The following GRIK2 variants were observed in gnomAD, a reference collection of about 807,000 sequenced individuals.
The protein encoded by GRIK2 is glutamate receptor ionotropic, kainate 2.
A neutral mutation model predicts 100.3 loss-of-function variants in GRIK2; 32 were observed. That is an observed-to-expected ratio of 0.32 (90% CI 0.24 to 0.43). The LOEUF is 0.43. Ranked by LOEUF, GRIK2 falls within the 20% of genes least tolerant of loss-of-function variation. The probability of loss-of-function intolerance (pLI) is 1.00; values close to 1 mark genes in which losing one functional copy is unlikely to be tolerated. For synonymous variants in GRIK2, 417 were observed against 389.4 expected (o/e 1.07, Z -0.83); for missense variants, 843 against 1,114.9 (o/e 0.76, Z 3.47).
chr6:101,917,108 T>C (rs1157898192), intron 12 of GRIK2, among the ~76,000 whole-genome samples: 1 of 151,668 alleles, frequency 6.6e-6, no homozygotes, highest in Non-Finnish European at 1.5e-5. Context: ...CTGCCAAGTA[T>C]GATAGTTGTT....
In GRIK2 at chr6:101,474,772, T is replaced by A. The variant is rs569021425; in HGVS notation, c.115+75380T>A. 9.7e-4 allele frequency among the ~76,000 whole-genome samples: 147 copies of A among 151,978 alleles called. 2 individuals carry two copies. The Middle Eastern group carries it at 0.014, about 14-fold the overall frequency. ...TTTGTTAGCTACGCAAGTCATAGCG[T>A]ACAAATTAGATATTAGATATCTTTT... On this transcript the variant is annotated intron_variant, in intron 2 of 16. Transcript: ENST00000369134.
chr6:101,976,878 T>C (rs913240956), intron 14 of GRIK2, among the ~76,000 whole-genome samples: 1 of 151,274 alleles, frequency 6.6e-6, no homozygotes, highest in Non-Finnish European at 1.5e-5. Flanking sequence ...AGTTGTGCAG[T>C]AGAATGACTT....
In GRIK2 at chr6:101,820,302, T is replaced by G. The variant is rs541493997; in HGVS notation, c.1317+1819T>G. Among the ~76,000 whole-genome samples the G allele has an allele frequency of 2.6e-5, 4 of 152,334 alleles. No individual in the cohort carries two copies. In the South Asian group the frequency reaches 8.3e-4, roughly 32 times the overall value. On this transcript the variant is annotated intron_variant, in intron 10 of 16. Transcript: ENST00000369134. ...ACCATATGTACCTCTGCAATGATCA[T>G]AGGATCAATAATTCTGGGTAGAAAA...
chr6:101,836,890 T>G (rs1203542820), intron 10 of GRIK2, among the ~76,000 whole-genome samples: 9 of 151,872 alleles, frequency 5.9e-5, no homozygotes, highest in African/African-American at 2.2e-4. Flanking sequence ...GGTCTTGAAC[T>G]CCTGACCCTT....
chr6:102,022,462 A>G (rs1237482583), intron 14 of GRIK2, among the ~76,000 whole-genome samples: 5 of 151,682 alleles, frequency 3.3e-5, no homozygotes, highest in Non-Finnish European at 5.9e-5. Flanking sequence ...TGGTAATCCA[A>G]ATGTGAGTAA....
intron 14 of GRIK2, among the ~76,000 whole-genome samples, chr6:101,985,087 A>G (rs922345951): frequency 6.6e-6 from 1 of 151,730 alleles, no homozygotes; most frequent in African/African-American, 2.4e-5. Flanking sequence ...AATAGAGAAT[A>G]AGCAATTGAA....
intron 7 of GRIK2, among the ~76,000 whole-genome samples, chr6:101,730,513 ACAGT>A (rs1775186722): frequency 6.6e-6 from 1 of 151,978 alleles, no homozygotes; most frequent in Admixed American, 6.6e-5. Context: ...ATGAACAAAA[ACAGT>A]GCTGGCAGGT....
intron 2 of GRIK2, among the ~76,000 whole-genome samples, chr6:101,534,948 G>A (rs762491273): frequency 1.8e-4 from 27 of 151,382 alleles, no homozygotes; most frequent in Non-Finnish European, 3.5e-4. Context: ...AGAACTGGCT[G>A]ACATTTCATT....
At position 101,537,529 on chromosome 6, in the gene GRIK2, T is replaced by C. The variant is rs112505597; in HGVS notation, c.116-84420T>C. On this transcript the variant is annotated intron_variant, in intron 2 of 16. Coordinates refer to ENST00000369134, the MANE Select transcript of GRIK2 (RefSeq NM_021956.5). ...TGGGGGGAGACAGAGGCTAAAGCAA[T>C]GGCTTTTTTAAGTTATTTATCTATG... Among the ~76,000 whole-genome samples the C allele has an allele frequency of 4.0e-3, 599 of 151,358 alleles. 3 individuals are homozygous for C. Among genetic ancestry groups the C allele is most frequent in the African/African-American group, 0.014 (577 of 41,326 alleles).
chr6:101,651,966 G>A (rs1781816750), intron 4 of GRIK2, among the ~76,000 whole-genome samples: 1 of 152,146 alleles, frequency 6.6e-6, no homozygotes, highest in Admixed American at 6.6e-5. Flanking sequence ...GGGGTACCCT[G>A]AAAGTCAAGT....
intron 15 of GRIK2, among the ~76,000 whole-genome samples, chr6:102,052,224 ATTACT>A (rs1444590707): frequency 1.3e-5 from 2 of 152,190 alleles, no homozygotes; most frequent in Non-Finnish European, 2.9e-5. Flanking sequence ...TTCATTTTTA[ATTACT>A]TGTCCTTTTA....
intron 2 of GRIK2, among the ~76,000 whole-genome samples, chr6:101,440,955 C>A (rs1027553404): frequency 6.7e-6 from 1 of 148,326 alleles, no homozygotes; most frequent in Admixed American, 6.7e-5. Flanking sequence ...GGTCTATCTT[C>A]TACCTTGCAG....
At chr6:101,756,769 T>G (rs1371637043) in intron 7 of GRIK2, among the ~76,000 whole-genome samples, 1 of 152,208 alleles carries the variant, frequency 6.6e-6, no homozygotes, top group Non-Finnish European at 1.5e-5. Context: ...TACAACTTCT[T>G]AGACAAGTAG....
intron 4 of GRIK2, among the ~76,000 whole-genome samples, chr6:101,639,534 C>CA (rs1781184640): frequency 6.6e-6 from 1 of 152,064 alleles, no homozygotes; most frequent in Non-Finnish European, 1.5e-5. Flanking sequence ...GACTTGTCCA[C>CA]ATAAAAATTG....
At chr6:101,839,490 C>T (rs1783363667) in intron 10 of GRIK2, among the ~76,000 whole-genome samples, 1 of 128,230 alleles carries the variant, frequency 7.8e-6, no homozygotes, top group Non-Finnish European at 1.5e-5. Flanking sequence ...AGTAGAAAGC[C>T]TTTGTAAGTT....
intron 12 of GRIK2, among the ~76,000 whole-genome samples, chr6:101,896,941 C>CA (rs1282900051): frequency 1.3e-5 from 2 of 150,928 alleles, no homozygotes; most frequent in South Asian, 4.2e-4. Context: ...TATTTGCTAC[C>CA]AAAAAATGGC....
At chr6:101,789,057 G>A (rs1779638938) in intron 7 of GRIK2, among the ~76,000 whole-genome samples, 1 of 152,070 alleles carries the variant, frequency 6.6e-6, no homozygotes, top group East Asian at 1.9e-4. Flanking sequence ...TGATGGGGTT[G>A]TTTTTTTCTT....
At chr6:101,863,143 G>A (rs182674946) in intron 11 of GRIK2, among the ~76,000 whole-genome samples, 1 of 152,054 alleles carries the variant, frequency 6.6e-6, no homozygotes, top group South Asian at 2.1e-4. Context: ...ATTTTATTAT[G>A]TCTCTATTAT....
At chr6:101,886,812 C>CT (rs1582458808) in intron 11 of GRIK2, among the ~76,000 whole-genome samples, 1 of 138,534 alleles carries the variant, frequency 7.2e-6, no homozygotes, top group East Asian at 2.2e-4. Context: ...CACCATTCTT[C>CT]TTTCTACCTT....
Sources: allele counts gnomAD v4.1 joint callset (sites outside exome capture counted in the v4.1 genomes callset), GRCh38; gene constraint gnomAD v4.1.1; transcripts MANE v1.5; gene names NCBI Gene and HGNC (gene_info 2026-07-23, HGNC 2026-07-21).